The following LACTB2 variants were observed in gnomAD, a reference collection of about 807,000 sequenced individuals.
The protein encoded by LACTB2 is endoribonuclease LACTB2.
In LACTB2, 32 loss-of-function variants were observed where a neutral mutation model predicts 34.8. The ratio of observed to expected loss-of-function variants is 0.92; its 90% CI spans 0.69 to 1.24. The LOEUF is 1.24. Among genes scored for constraint, LACTB2 ranks in the 50% most tolerant of loss-of-function variants. The probability of loss-of-function intolerance (pLI) is 0.00; values close to 1 mark genes in which losing one functional copy is unlikely to be tolerated. For synonymous variants in LACTB2, 120 were observed against 117.5 expected, an observed-to-expected ratio of 1.02 and a Z score of -0.14; for missense variants, 320 against 345.0, an observed-to-expected ratio of 0.93 and a Z score of 0.57.
chr8:70,642,419 C>T (rs1326975471), intron 4 of LACTB2, among the ~76,000 whole-genome samples: 2 of 151,590 alleles, frequency 1.3e-5, no homozygotes, highest in South Asian at 2.1e-4. Flanking sequence ...CTTGGTTAAT[C>T]GCAAGTTAGA....
At position 70,669,091 on chromosome 8, in the gene LACTB2, C is replaced by T; in HGVS notation, c.30G>A (p.Arg10=). 1 of 1,612,046 alleles carries T rather than the reference C, an allele frequency of 6.2e-7. No homozygotes were observed. The change falls in exon 1 of 7, where the codon CGG becomes CGA. Residue 10 remains arginine, a synonymous_variant. Coordinates refer to ENST00000276590, the MANE Select transcript of LACTB2 (RefSeq NM_016027.3). The stretch of plus-strand genomic sequence containing the variant: ...ACACACGCACGACTCGATTGGACAG[C>T]CGCTCGACGCGCTGCAGTACAGCAG... MAAVLQRVE[R]LSNRVVRVLG...
At chr8:70,647,803 A>C (rs1818281979) in intron 3 of LACTB2, among the ~76,000 whole-genome samples, 1 of 152,206 alleles carries the variant, frequency 6.6e-6, no homozygotes, top group Non-Finnish European at 1.5e-5. Context: ...AAGTCTGTTG[A>C]AAGTCTTTTT....
At chr8:70,643,995 TG>T in intron 4 of LACTB2, 69 bp downstream of exon 4, 3 of 1,354,652 alleles carry the variant, frequency 2.2e-6, no homozygotes, top group South Asian at 2.0e-5. Context: ...GAGAACAGCC[TG>T]GAAAACATAG....
At chr8:70,657,169 GC>G (rs1401423381) in intron 3 of LACTB2, among the ~76,000 whole-genome samples, 1 of 152,164 alleles carries the variant, frequency 6.6e-6, no homozygotes, top group Non-Finnish European at 1.5e-5. Context: ...ATATGGGAAA[GC>G]CCTGAATTGA....
chr8:70,650,753 A>G (rs934417358), intron 3 of LACTB2, among the ~76,000 whole-genome samples: 8 of 148,974 alleles, frequency 5.4e-5, no homozygotes, highest in East Asian at 3.9e-4. Flanking sequence ...AAAAAAAAAA[A>G]AAAAAGAAAA....
chr8:70,659,838 G>A (rs35580034), intron 2 of LACTB2, among the ~76,000 whole-genome samples: 61,494 of 152,058 alleles, frequency 0.4, 13,979 homozygotes, highest in Non-Finnish European at 0.52. Context: ...TGGGGATGGG[G>A]GAAATCACTG....
rs28501158 is a variant in LACTB2 at position 70,641,059 on chromosome 8, A to C, written c.593-9T>G. 8.1e-5 allele frequency: 128 copies of C among 1,587,112 alleles called. No individual in the cohort carries two copies. Among genetic ancestry groups the C allele is most frequent in the Non-Finnish European group, 1.1e-4 (126 of 1,171,250 alleles). Reference sequence around the variant, plus strand: ...AATTACTGGGCCATGTCCTGAATTAAAATAATTATAAGAGTTACTTCAGTC... The same window carrying C: ...AATTACTGGGCCATGTCCTGAATTACAATAATTATAAGAGTTACTTCAGTC... On this transcript the variant is annotated splice_polypyrimidine_tract_variant and intron_variant, in intron 4 of 6. Coordinates refer to ENST00000276590, the MANE Select transcript of LACTB2 (RefSeq NM_016027.3).
At chr8:70,666,659 A>G (rs1048155674) in intron 1 of LACTB2, among the ~76,000 whole-genome samples, 3 of 152,244 alleles carry the variant, frequency 2.0e-5, no homozygotes, top group African/African-American at 7.2e-5. Context: ...ACAGAAGCCA[A>G]TTAGGAGGCT....
intron 6 of LACTB2, 116 bp from the exon 7 acceptor site, chr8:70,638,019 A>T: frequency 1.9e-6 from 1 of 534,760 alleles, no homozygotes. Flanking sequence ...TTGTTGCTCA[A>T]TATAAAGTTG....
intron 1 of LACTB2, among the ~76,000 whole-genome samples, chr8:70,667,649 T>G (rs958805408): frequency 6.6e-6 from 1 of 152,224 alleles, no homozygotes; most frequent in African/African-American, 2.4e-5. Flanking sequence ...GTGATTATAG[T>G]GTTTAAAGAT....
chr8:70,644,859 A>G (rs147570104), intron 3 of LACTB2, among the ~76,000 whole-genome samples: 1 of 152,316 alleles, frequency 6.6e-6, no homozygotes, highest in East Asian at 1.9e-4. Context: ...AGTGTTTAAA[A>G]GAAATGAACA....
At chr8:70,638,523 G>A (rs1381199657) in intron 6 of LACTB2, 25 bp downstream of exon 6, 2 of 1,522,422 alleles carry the variant, frequency 1.3e-6, no homozygotes, top group African/African-American at 1.4e-5. Context: ...GCTGGTAATA[G>A]AAGAAAATTT....
chr8:70,657,922 A>G (rs371913134), intron 2 of LACTB2, 40 bp from the exon 3 acceptor site: 15 of 1,399,496 alleles, frequency 1.1e-5, no homozygotes, highest in Non-Finnish European at 1.5e-5. Context: ...TTCACACTTT[A>G]TAATTAAGCC....
chr8:70,639,449 C>T (rs1818168606), intron 5 of LACTB2, among the ~76,000 whole-genome samples: 1 of 152,058 alleles, frequency 6.6e-6, no homozygotes, highest in Middle Eastern at 3.2e-3. Context: ...CGTGAGCCAC[C>T]ATGCCCGGCC....
intron 2 of LACTB2, chr8:70,660,414 T>G: frequency 2.7e-6 from 1 of 365,716 alleles, no homozygotes; most frequent in Non-Finnish European, 5.4e-6. Flanking sequence ...GCTAAGAGGG[T>G]AAGGAAGCTT....
intron 3 of LACTB2, among the ~76,000 whole-genome samples, chr8:70,647,637 A>G (rs1037340907): frequency 6.6e-6 from 1 of 152,194 alleles, no homozygotes; most frequent in Non-Finnish European, 1.5e-5. Flanking sequence ...TAGATGAGTG[A>G]TAAGTGACTT....
At chr8:70,640,135 A>C (rs190006136) in intron 5 of LACTB2, among the ~76,000 whole-genome samples, 97 of 152,112 alleles carry the variant, frequency 6.4e-4, no homozygotes, top group Middle Eastern at 3.4e-3. Flanking sequence ...TCATTTAAAA[A>C]ATTTCTTGTA....
rs577461445 is a variant in LACTB2 at position 70,661,939 on chromosome 8, C to T, written c.123-42G>A. 20 of 1,486,260 alleles carry T rather than the reference C, an allele frequency of 1.3e-5. No homozygotes were observed. The South Asian group carries it at 1.6e-4, about 12-fold the overall frequency. The allele number at this position is 1,486,260 out of a possible 1,614,324, so 92.1% of individuals were successfully genotyped here. Reference sequence around the variant, plus strand: ...AGATAATCACACAATTGGAACACTGCGTTGACATTAGCATTATTTTGCACA... The same window carrying T: ...AGATAATCACACAATTGGAACACTGTGTTGACATTAGCATTATTTTGCACA... On this transcript the variant is annotated intron_variant, in intron 1 of 6. Coordinates refer to ENST00000276590, the MANE Select transcript of LACTB2 (RefSeq NM_016027.3).
intron 1 of LACTB2, among the ~76,000 whole-genome samples, chr8:70,664,373 C>T (rs1236739936): frequency 2.0e-5 from 3 of 152,096 alleles, no homozygotes; most frequent in Non-Finnish European, 4.4e-5. Context: ...ACAAAATTAA[C>T]AGGGTTGATA....
Sources: allele counts gnomAD v4.1 joint callset (sites outside exome capture counted in the v4.1 genomes callset), GRCh38; gene constraint gnomAD v4.1.1; transcripts MANE v1.5; gene names NCBI Gene and HGNC (gene_info 2026-07-23, HGNC 2026-07-21).